The following MYO18B variants were observed in gnomAD, a reference collection of about 807,000 sequenced individuals.
The protein encoded by MYO18B is unconventional myosin-XVIIIb.
A neutral mutation model predicts 273.0 loss-of-function variants in MYO18B; 204 were observed. The ratio of observed to expected loss-of-function variants is 0.75; its 90% CI spans 0.67 to 0.84. The LOEUF (loss-of-function observed/expected upper bound fraction) is 0.84. Ranked by LOEUF, MYO18B falls within the 40% of genes least tolerant of loss-of-function variation. The probability of loss-of-function intolerance (pLI) is 0.00; values close to 1 mark genes in which losing one functional copy is unlikely to be tolerated. For synonymous variants in MYO18B, 1,330 were observed against 1,305.7 expected (o/e 1.02, Z -0.40); for missense variants, 3,212 against 3,287.6 (o/e 0.98, Z 0.56).
In MYO18B at chr22:25,869,087, G is replaced by A. The variant is rs193083492; in HGVS notation, c.3951+702G>A. Among the ~76,000 whole-genome samples, 16 of 152,292 alleles carry A rather than the reference G, an allele frequency of 1.1e-4. No individual in the cohort carries two copies. The East Asian group carries it at 3.1e-3, about 29-fold the overall frequency. On this transcript the variant is annotated intron_variant, in intron 22 of 43. Transcript: ENST00000335473. ...TGTTCCATGGATTATAGTTTGGGAAGTGGGGCACGGAGATTGTAAACTCAA... is the reference window on the plus strand; with the variant it reads ...TGTTCCATGGATTATAGTTTGGGAAATGGGGCACGGAGATTGTAAACTCAA...
At chr22:26,047,581 A>G in the MYO18B span, among the ~76,000 whole-genome samples, 1 of 152,192 alleles carries the variant, frequency 6.6e-6, no homozygotes, top group East Asian at 1.9e-4. Flanking sequence ...TAAGATAGCC[A>G]CTAGCCATAT....
At chr22:25,868,573 G>A (rs970187973) in intron 22 of MYO18B, among the ~76,000 whole-genome samples, 188 bp downstream of exon 22, 1 of 152,176 alleles carries the variant, frequency 6.6e-6, no homozygotes, top group African/African-American at 2.4e-5. Flanking sequence ...CATAATATGA[G>A]TTGAAATCAC....
At chr22:25,994,435 T>C (rs916841976) in intron 40 of MYO18B, among the ~76,000 whole-genome samples, 3 of 152,364 alleles carry the variant, frequency 2.0e-5, no homozygotes, top group African/African-American at 7.2e-5. Flanking sequence ...ATTGTGCCAC[T>C]GCACTCCAGC....
intron 34 of MYO18B, among the ~76,000 whole-genome samples, chr22:25,922,829 T>C (rs1601585076): frequency 6.6e-6 from 1 of 152,336 alleles, no homozygotes; most frequent in South Asian, 2.1e-4. Context: ...CTGGTGTCAG[T>C]TTCTATCTGT....
chr22:25,965,597 T>C (rs1365740627), intron 39 of MYO18B, among the ~76,000 whole-genome samples: 2 of 152,204 alleles, frequency 1.3e-5, no homozygotes, highest in Non-Finnish European at 2.9e-5. Context: ...TGGGAAGCAA[T>C]GCACAGTAGC....
chr22:25,926,248 C>T (rs555697883), intron 34 of MYO18B, among the ~76,000 whole-genome samples: 2 of 151,930 alleles, frequency 1.3e-5, no homozygotes, highest in South Asian at 2.1e-4. Flanking sequence ...GTTCTGCGAC[C>T]TTCACATTCG....
In MYO18B at chr22:25,763,336, G is replaced by A; in HGVS notation, c.145G>A (p.Ala49Thr). 1.2e-6 allele frequency: 2 copies of A among 1,612,876 alleles called. No homozygotes were observed. The highest frequency in any genetic ancestry group is 1.7e-6 in the Non-Finnish European group (2 of 1,179,644). Residue 49 changes from alanine to threonine, a missense_variant, in exon 3 of 44, where the codon GCC becomes ACC. Ala to Thr is a moderately conservative substitution (Grantham distance 58). Transcript: ENST00000335473. Reference protein sequence around the residue: ...KQLVRGTEKEAKEARQRKQLA... With the variant: ...KQLVRGTEKETKEARQRKQLA... ...ACTGGTCCGGGGGACTGAAAAAGAG[G>A]CCAAGGAAGCGAGACAGAGGAAGCA...
intron 17 of MYO18B, among the ~76,000 whole-genome samples, chr22:25,836,043 G>A (rs991028572): frequency 1.3e-5 from 2 of 152,178 alleles, no homozygotes; most frequent in African/African-American, 4.8e-5. Flanking sequence ...AGAGGAGCTG[G>A]CCTGCCCCAG....
chr22:25,876,145 T>C, intron 23 of MYO18B, 44 bp from the exon 24 acceptor site: 2 of 1,584,744 alleles, frequency 1.3e-6, no homozygotes, highest in South Asian at 1.2e-5. Flanking sequence ...TATCCTCACC[T>C]GGGTTGGAAA....
chr22:25,970,191 T>A (rs1369754965), intron 39 of MYO18B, among the ~76,000 whole-genome samples: 1 of 152,036 alleles, frequency 6.6e-6, no homozygotes, highest in Non-Finnish European at 1.5e-5. Context: ...TCATGAAAAT[T>A]ATTATTATCA....
intron 34 of MYO18B, among the ~76,000 whole-genome samples, chr22:25,940,646 G>A (rs2092632981): frequency 6.6e-6 from 1 of 152,176 alleles, no homozygotes; most frequent in Admixed American, 6.5e-5. Flanking sequence ...CCCGGTGGTA[G>A]AGAACATAGA....
At chr22:25,862,161 A>G (rs1569123306) in intron 21 of MYO18B, among the ~76,000 whole-genome samples, 1 of 152,158 alleles carries the variant, frequency 6.6e-6, no homozygotes, top group Non-Finnish European at 1.5e-5. Context: ...TGAGTAGGTT[A>G]TTTGTAAATA....
Position 25,902,728 on chromosome 22 carries a change from C to T in MYO18B, c.4939C>T (p.Gln1647Ter). ...GTGGGAGCTAGGCCAGCTTCAGCAGCAGCTGAAGGTAAGGGATGGGGGACA... is the reference window on the plus strand; with the variant it reads ...GTGGGAGCTAGGCCAGCTTCAGCAGTAGCTGAAGGTAAGGGATGGGGGACA... Reference protein sequence around the residue: ...VRWELGQLQQQLKQKEQEASQ... With the variant: ...VRWELGQLQQ Residue 1647 changes from glutamine to a stop codon, truncating the protein, a stop_gained, in exon 30 of 44, where the codon CAG becomes TAG. Transcript: ENST00000335473. LOFTEE classifies it high-confidence loss of function. 6.3e-7 allele frequency: 1 copy of T among 1,582,896 alleles called. No individual in the cohort carries two copies. Among genetic ancestry groups the T allele is most frequent in the Non-Finnish European group, 8.6e-7 (1 of 1,163,728 alleles).
chr22:25,779,709 T>C (rs1446118723), intron 8 of MYO18B, among the ~76,000 whole-genome samples: 1 of 152,222 alleles, frequency 6.6e-6, no homozygotes, highest in Non-Finnish European at 1.5e-5. Flanking sequence ...CCTAGAATGT[T>C]ATCCTCACCT....
chr22:25,890,938 C>T, intron 26 of MYO18B, 63 bp downstream of exon 26: 1 of 1,564,506 alleles, frequency 6.4e-7, no homozygotes, highest in South Asian at 1.2e-5. Context: ...TGGGTCTGCT[C>T]CCCGACCCTC....
At chr22:26,026,363 G>A (rs1366735742) in intron 42 of MYO18B, 82 bp from the exon 43 acceptor site, 2 of 1,457,844 alleles carry the variant, frequency 1.4e-6, no homozygotes, top group African/African-American at 1.4e-5. Flanking sequence ...ATTAGTGCCT[G>A]TGCTTAGGGG....
At chr22:25,952,755 C>T (rs112638082) in intron 38 of MYO18B, among the ~76,000 whole-genome samples, 215 of 152,244 alleles carry the variant, frequency 1.4e-3, no homozygotes, top group African/African-American at 4.6e-3. Flanking sequence ...CCCTCAACCC[C>T]TCTGTCTGCC....
At position 25,962,987 on chromosome 22, in the gene MYO18B, T is replaced by C. The variant is rs191097541; in HGVS notation, c.6156+7623T>C. On this transcript the variant is annotated intron_variant, in intron 39 of 43. Transcript: ENST00000335473. ...TCTCTTCCTTCTTTCTCATTGCAGC[T>C]CCCCTACTGCATGCCAATTGCAAAA... Among the ~76,000 whole-genome samples, 39 of 152,166 alleles carry C rather than the reference T, an allele frequency of 2.6e-4. No individual in the cohort carries two copies. The East Asian group carries it at 7.3e-3, about 29-fold the overall frequency.
chr22:25,941,180 G>A (rs1396887913), intron 34 of MYO18B, among the ~76,000 whole-genome samples: 3 of 152,168 alleles, frequency 2.0e-5, no homozygotes, highest in Non-Finnish European at 4.4e-5. Context: ...GTTGTTGAGG[G>A]TCTATTGGGA....
Sources: allele counts gnomAD v4.1 joint callset (sites outside exome capture counted in the v4.1 genomes callset), GRCh38; gene constraint gnomAD v4.1.1; transcripts MANE v1.5; gene names NCBI Gene and HGNC (gene_info 2026-07-23, HGNC 2026-07-21).